USP40: variants seen among roughly 807,000 people sequenced by gnomAD.
USP40 encodes the protein ubiquitin carboxyl-terminal hydrolase 40.
Under a neutral mutation model 166.2 loss-of-function variants are expected in USP40, and 143 were observed. That is an observed-to-expected ratio of 0.86 (90% CI 0.75 to 0.99). The LOEUF is 0.99. Ranked by LOEUF, USP40 falls within the 50% of genes least tolerant of loss-of-function variation. The pLI is 0.00. For missense variants in USP40, 1,444 were observed against 1,479.7 expected (o/e 0.98, Z 0.40); for synonymous variants, 498 against 524.0 (o/e 0.95, Z 0.68).
chr2:233,507,997 G>T (rs1470783772), intron 21 of USP40, among the ~76,000 whole-genome samples: 2 of 152,178 alleles, frequency 1.3e-5, no homozygotes, highest in Admixed American at 6.5e-5. Context: ...AGATTTTGGA[G>T]CATTTTGGAT....
intron 13 of USP40, among the ~76,000 whole-genome samples, chr2:233,526,005 T>C (rs1322870900): frequency 6.6e-6 from 1 of 152,152 alleles, no homozygotes; most frequent in Non-Finnish European, 1.5e-5. Context: ...CCATTGCAAA[T>C]TTATAAAGGT....
At chr2:233,553,513 G>C (rs549683542) in intron 6 of USP40, among the ~76,000 whole-genome samples, 68 of 152,146 alleles carry the variant, frequency 4.5e-4, no homozygotes, top group Non-Finnish European at 9.0e-4. Flanking sequence ...TGTGGCAGAG[G>C]GATTTTCAGA....
intron 16 of USP40, among the ~76,000 whole-genome samples, chr2:233,522,438 G>A (rs779247675): frequency 3.9e-5 from 6 of 152,106 alleles, no homozygotes; most frequent in Non-Finnish European, 8.8e-5. Context: ...CGAAAGAAAC[G>A]GTCCACAAGT....
At chr2:233,540,274 G>A (rs2069284868) in intron 10 of USP40, among the ~76,000 whole-genome samples, 1 of 152,108 alleles carries the variant, frequency 6.6e-6, no homozygotes, top group African/African-American at 2.4e-5. Context: ...AAAGGATAAT[G>A]AGATATTTTG....
At chr2:233,560,827 G>A (rs1232500722) in intron 3 of USP40, 11 of 526,798 alleles carry the variant, frequency 2.1e-5, no homozygotes, top group Admixed American at 3.4e-5. Flanking sequence ...TGGAGAGGTC[G>A]GTATTGTTGC....
chr2:233,478,427 G>A (rs2064325859), intron 31 of USP40, among the ~76,000 whole-genome samples: 1 of 152,184 alleles, frequency 6.6e-6, no homozygotes, highest in Non-Finnish European at 1.5e-5. Flanking sequence ...ATGAGTGAAT[G>A]GCTGAGCATA....
chr2:233,555,033 T>G (rs1473122468), intron 5 of USP40, among the ~76,000 whole-genome samples: 1 of 151,908 alleles, frequency 6.6e-6, no homozygotes, highest in Non-Finnish European at 1.5e-5. Context: ...CTACTAAAAA[T>G]ACAAAAAAAA....
chr2:233,565,276 C>A, intron 2 of USP40, 80 bp downstream of exon 2: 1 of 1,062,194 alleles, frequency 9.4e-7, no homozygotes, highest in South Asian at 1.6e-5. Context: ...GATAATTGGT[C>A]TATTTGTGAT....
rs1434196143 is a variant in USP40 at position 233,565,560 on chromosome 2, A to C, written c.-6T>G. The C allele has an allele frequency of 5.2e-6, 8 of 1,536,128 alleles. 1 individual carries two copies. The Middle Eastern group carries it at 8.3e-4, about 160-fold the overall frequency. On this transcript the variant is annotated 5_prime_UTR_variant, in exon 2 of 32. Transcript: ENST00000678225. ...TCAAACAGGTCCCCAAACATTGTGAAACTAAATACTACCCTTAAAAAAAGT... is the reference window on the plus strand; with the variant it reads ...TCAAACAGGTCCCCAAACATTGTGACACTAAATACTACCCTTAAAAAAAGT...
At chr2:233,561,230 A>G (rs370701511) in intron 3 of USP40, 3 of 1,549,230 alleles carry the variant, frequency 1.9e-6, no homozygotes, top group African/African-American at 2.7e-5. Context: ...TAAAGTTCAT[A>G]TGGAACCAAA....
intron 5 of USP40, among the ~76,000 whole-genome samples, chr2:233,555,841 G>A (rs1423605479): frequency 1.4e-4 from 22 of 151,864 alleles, no homozygotes; most frequent in Non-Finnish European, 2.1e-4. Context: ...TGGGCCAGGC[G>A]CGGTGGCTCA....
chr2:233,477,183 G>C lies in USP40; in HGVS notation c.*209C>G. ...CTGGCAGCTGGGTGGGCGACATCCA[G>C]AGCTGCACCAGCCCCCGTGGCTGCC... On this transcript the variant is annotated 3_prime_UTR_variant, in exon 32 of 32. Transcript: ENST00000678225. 1.7e-6 allele frequency: 1 copy of C among 580,824 alleles called. No homozygotes were observed. The highest frequency in any genetic ancestry group is 3.1e-6 in the Non-Finnish European group (1 of 319,062). The allele number at this position is 580,824 out of a possible 1,614,324, so 36.0% of individuals were successfully genotyped here.
chr2:233,521,002 T>C lies in USP40; in HGVS notation c.2314A>G (p.Thr772Ala). 6.2e-7 allele frequency: 1 copy of C among 1,613,052 alleles called. No homozygotes were observed. Among genetic ancestry groups the C allele is most frequent in the Non-Finnish European group, 8.5e-7 (1 of 1,179,572 alleles). ...TATATTCTACTCACTGTGTTAACAG[T>C]TGCTGATATTTTAACTTGCTTCTCT... ...SEEKQVKISA[T>A]VNTMVFDIRI... Residue 772 changes from threonine to alanine, a missense_variant, in exon 17 of 32, where the codon ACT becomes GCT. Thr to Ala is a moderately conservative substitution (Grantham distance 58). Coordinates refer to ENST00000678225, the MANE Select transcript of USP40 (RefSeq NM_001365479.2).
chr2:233,565,685 G>A, intron 1 of USP40, 112 bp from the exon 2 acceptor site: 1 of 949,986 alleles, frequency 1.1e-6, no homozygotes, highest in Non-Finnish European at 1.5e-6. Context: ...CAGGACTACT[G>A]TTTCTATGTA....
chr2:233,564,235 A>G (rs976662543), intron 2 of USP40, among the ~76,000 whole-genome samples: 1 of 152,124 alleles, frequency 6.6e-6, no homozygotes, highest in Non-Finnish European at 1.5e-5. Flanking sequence ...AAGAACCACA[A>G]AGATTTGATA....
intron 12 of USP40, 68 bp from the exon 13 acceptor site, chr2:233,527,646 C>A: frequency 1.5e-6 from 2 of 1,335,730 alleles, no homozygotes; most frequent in South Asian, 1.8e-5. Context: ...TATCTCAAAC[C>A]AAAGATATCT....
chr2:233,519,109 A>G (rs534111852), intron 18 of USP40, among the ~76,000 whole-genome samples: 8 of 152,302 alleles, frequency 5.3e-5, no homozygotes, highest in African/African-American at 1.7e-4. Context: ...AGGGGCTTGG[A>G]ATACAGATGG....
At chr2:233,566,365 G>A (rs1208041531) in intron 1 of USP40, among the ~76,000 whole-genome samples, 2 of 152,152 alleles carry the variant, frequency 1.3e-5, no homozygotes, top group Admixed American at 6.5e-5. Flanking sequence ...AGGAAGCGCT[G>A]AAATGCAATT....
rs145903609 is a variant in USP40, at chr2:233,506,284, T to C, written c.2613+3765A>G. Among the ~76,000 whole-genome samples, 38 of 152,206 alleles carry C rather than the reference T, an allele frequency of 2.5e-4. No homozygotes were observed. In the South Asian group the frequency reaches 4.1e-3, roughly 17 times the overall value. ...TCTTCAACAAATGGTTCTGGGAAAA[T>C]TGGATCTCCACATGCAGAATAATGA... On this transcript the variant is annotated intron_variant, in intron 21 of 31. Transcript: ENST00000678225.
Sources: gnomAD v4.1 joint callset for allele counts (sites outside exome capture counted in the v4.1 genomes callset) on GRCh38, gnomAD v4.1.1 for gene constraint, MANE v1.5 for transcripts, NCBI Gene and HGNC (gene_info 2026-07-23, HGNC 2026-07-21) for gene names.